Variants in CEP350 observed in about 807,000 individuals in gnomAD.
CEP350 encodes the protein centrosome-associated protein 350.
Under a neutral mutation model 331.8 loss-of-function variants are expected in CEP350, and 126 were observed. The observed-to-expected ratio is 0.38, with a 90% CI of 0.33 to 0.44. The LOEUF (loss-of-function observed/expected upper bound fraction) is 0.44. CEP350 is among the 20% of genes least tolerant of loss of function. The pLI, the probability that CEP350 is intolerant of heterozygous loss-of-function variation, is 1.00. For synonymous variants in CEP350, 1,200 were observed against 1,259.5 expected (o/e 0.95, Z 1.00); for missense variants, 3,406 against 3,634.6 (o/e 0.94, Z 1.62).
chr1:180,069,940 G>A (rs1411791685), intron 27 of CEP350, among the ~76,000 whole-genome samples: 1 of 152,194 alleles, frequency 6.6e-6, no homozygotes, highest in Non-Finnish European at 1.5e-5. Context: ...CTAGTTTGGG[G>A]ATACATAGCA....
chr1:179,962,439 T>TC (rs1315054944), intron 1 of CEP350, among the ~76,000 whole-genome samples: 1 of 152,148 alleles, frequency 6.6e-6, no homozygotes, highest in African/African-American at 2.4e-5. Context: ...AGGCAGAGTC[T>TC]CGCTCTGTTG....
At chr1:180,007,839 C>CGTGTGTGTGTGT (rs71118426) in intron 8 of CEP350, among the ~76,000 whole-genome samples, 5,932 of 140,920 alleles carry the variant, frequency 0.042, 190 homozygotes, top group Non-Finnish European at 0.059. Flanking sequence ...TTTTATGTAT[C>CGTGTGTGTGTGT]GTGTGTGTGT....
intron 13 of CEP350, among the ~76,000 whole-genome samples, 191 bp downstream of exon 13, chr1:180,023,039 A>G (rs1655433365): frequency 2.0e-5 from 3 of 152,076 alleles, no homozygotes; most frequent in Non-Finnish European, 4.4e-5. Flanking sequence ...TCTCCTGGTT[A>G]TTGGTTGTTT....
rs375704196 is a variant in CEP350, at chr1:180,111,182, C to G, written c.*21C>G. 2 of 1,611,960 alleles carry G rather than the reference C, an allele frequency of 1.2e-6. No individual in the cohort carries two copies. Among genetic ancestry groups the G allele is most frequent in the Admixed American group, 3.3e-5 (2 of 59,912 alleles). On this transcript the variant is annotated 3_prime_UTR_variant, in exon 38 of 38. Coordinates refer to ENST00000367607, the MANE Select transcript of CEP350 (RefSeq NM_014810.5). ...TGTGACATCTTGCAAATAAATCGAA[C>G]GCTGAGTGCTAATGTGAGTCCTGGG...
intron 1 of CEP350, among the ~76,000 whole-genome samples, chr1:179,962,892 A>G (rs1650738532): frequency 6.6e-6 from 1 of 151,870 alleles, no homozygotes; most frequent in Non-Finnish European, 1.5e-5. Context: ...AAATCCCTCT[A>G]CTCTTTTCCA....
At position 180,112,622 on chromosome 1, in the gene CEP350, A is replaced by C. The variant is rs1308117981; in HGVS notation, c.*1461A>C. The stretch of plus-strand genomic sequence containing the variant: ...GTGGATACTCTTAGGCGTGAATGTA[A>C]ATGCCTTAATATTGAAGGTCCTGGT... On this transcript the variant is annotated 3_prime_UTR_variant, in exon 38 of 38. Transcript: ENST00000367607. 1 of 152,648 alleles carries C rather than the reference A, an allele frequency of 6.6e-6. No individual in the cohort carries two copies. Among genetic ancestry groups the C allele is most frequent in the East Asian group, 1.9e-4 (1 of 5,206 alleles). 9.5% of individuals were successfully genotyped at this position (152,648 alleles called of 1,614,324 possible).
In CEP350 at chr1:180,090,771, C is replaced by T. The variant is rs1374144630; in HGVS notation, c.6483C>T (p.Ser2161=). 8 of 1,548,252 alleles carry T rather than the reference C, an allele frequency of 5.2e-6. No individual in the cohort carries two copies. The Admixed American group carries it at 7.9e-5, about 15-fold the overall frequency. Residue 2161 remains serine, a synonymous_variant, in exon 33 of 38, where the codon TCC becomes TCT. Coordinates refer to ENST00000367607, the MANE Select transcript of CEP350 (RefSeq NM_014810.5). Reference sequence around the variant, plus strand: ...CAGAGTCAGAACGTTCCAGAGGATCCCTGGAGTCTATTGCTGAACATGTTG... The same window carrying T: ...CAGAGTCAGAACGTTCCAGAGGATCTCTGGAGTCTATTGCTGAACATGTTG... ...SLTESERSRG[S]LESIAEHVDA...
intron 31 of CEP350, 40 bp from the exon 32 acceptor site, chr1:180,087,538 A>G: frequency 6.7e-7 from 1 of 1,484,160 alleles, no homozygotes; most frequent in South Asian, 1.4e-5. Flanking sequence ...TAAGTTTTAA[A>G]AATTCTGCCT....
intron 14 of CEP350, among the ~76,000 whole-genome samples, chr1:180,027,944 A>G (rs1287871937): frequency 6.6e-6 from 1 of 152,208 alleles, no homozygotes; most frequent in Non-Finnish European, 1.5e-5. Flanking sequence ...TATACGTCCA[A>G]TGAGAATGCT....
intron 7 of CEP350, 141 bp downstream of exon 7, chr1:180,003,428 A>G: frequency 1.6e-6 from 1 of 618,770 alleles, no homozygotes; most frequent in Admixed American, 3.2e-5. Context: ...TGGTGGTTTG[A>G]GGCATAAGGC....
intron 8 of CEP350, among the ~76,000 whole-genome samples, chr1:180,009,313 AT>A (rs1484392070): frequency 6.6e-6 from 1 of 152,236 alleles, no homozygotes; most frequent in African/African-American, 2.4e-5. Flanking sequence ...CCAGGCAATA[AT>A]TACATTTTTA....
Position 180,020,459 on chromosome 1 carries a change from G to A in CEP350, c.2685G>A (p.Lys895=). 2 of 1,613,992 alleles carry A rather than the reference G, an allele frequency of 1.2e-6. No individual in the cohort carries two copies. Among genetic ancestry groups the A allele is most frequent in the South Asian group, 1.1e-5 (1 of 91,088 alleles). The stretch of plus-strand genomic sequence containing the variant: ...ATGTTTTCTCTGCCAGAATTCAGAA[G>A]ATGCTGGGAAGCTGTGTATCTCATG... ...NEDVFSARIQ[K]MLGSCVSHAT... Residue 895 remains lysine, a synonymous_variant, in exon 12 of 38, where the codon AAG becomes AAA. Transcript: ENST00000367607.
At chr1:180,043,336 A>G in intron 20 of CEP350, 144 bp downstream of exon 20, 1 of 983,488 alleles carries the variant, frequency 1.0e-6, no homozygotes, top group South Asian at 1.9e-5. Flanking sequence ...TAGGGAAGAT[A>G]AACATTACTC....
chr1:179,984,476 C>T (rs1210017106), intron 1 of CEP350, among the ~76,000 whole-genome samples: 1 of 152,166 alleles, frequency 6.6e-6, no homozygotes, highest in African/African-American at 2.4e-5. Flanking sequence ...TTCTTTGCCA[C>T]ATGGACATCT....
Position 180,092,646 on chromosome 1 carries a change from T to A in CEP350, c.6541T>A (p.Ser2181Thr), listed in dbSNP as rs754835562. 1 of 1,604,620 alleles carries A rather than the reference T, an allele frequency of 6.2e-7. No homozygotes were observed. The highest frequency in any genetic ancestry group is 1.1e-5 in the South Asian group (1 of 89,776). ...ASLSGSERSV[S>T]ERSLSAYAKR... The stretch of plus-strand genomic sequence containing the variant: ...ACTGTCTGGTTCTGAGAGATCAGTA[T>A]CAGAAAGGTCTTTATCTGCATATGC... The change falls in exon 34 of 38, where the codon TCA becomes ACA. Residue 2181 changes from serine (S) to threonine (T), a missense_variant. Around this residue, in one of 5 missense-constraint regions of CEP350, gnomAD observed 1,415 missense variants for 1,512.3 expected, o/e 0.94. Transcript: ENST00000367607.
intron 34 of CEP350, 113 bp from the exon 35 acceptor site, chr1:180,095,406 GCTTA>G (rs1446216275): frequency 2.5e-5 from 30 of 1,196,836 alleles, no homozygotes; most frequent in Non-Finnish European, 3.0e-5. Context: ...TTTTTATTCT[GCTTA>G]CTTATAGAGA....
chr1:180,098,569 C>G (rs1660624253), intron 36 of CEP350, among the ~76,000 whole-genome samples: 1 of 151,972 alleles, frequency 6.6e-6, no homozygotes. Flanking sequence ...GTCTCAAACT[C>G]CTGGGCTCAA....
chr1:180,016,986 T>C (rs6691130), intron 11 of CEP350, among the ~76,000 whole-genome samples: 6,047 of 152,220 alleles, frequency 0.04, 143 homozygotes, highest in Middle Eastern at 0.14. Flanking sequence ...TTTTACCCCA[T>C]TGTCCCTAGA....
intron 7 of CEP350, among the ~76,000 whole-genome samples, chr1:180,005,213 G>A (rs961578810): frequency 6.6e-6 from 1 of 151,718 alleles, no homozygotes; most frequent in Non-Finnish European, 1.5e-5. Flanking sequence ...CTTGTATCCA[G>A]CTGCTACTTC....
Sources: gnomAD v4.1 joint callset for allele counts (sites outside exome capture counted in the v4.1 genomes callset) on GRCh38, gnomAD v4.1.1 for gene constraint, gnomAD v4.1.1 regional missense constraint, MANE v1.5 for transcripts, NCBI Gene and HGNC (gene_info 2026-07-23, HGNC 2026-07-21) for gene names.